The following CDC27 variants were observed in gnomAD, a reference collection of about 807,000 sequenced individuals.
The protein encoded by CDC27 is cell division cycle 27, also known as cell division cycle protein 27 homolog.
Under a neutral mutation model 109.7 loss-of-function variants are expected in CDC27, and 27 were observed. The observed-to-expected ratio is 0.25, with a 90% CI of 0.18 to 0.34. CDC27 has a LOEUF of 0.34. Among genes scored for constraint, CDC27 ranks in the 10% least tolerant of loss-of-function variants. CDC27 has a pLI of 1.00. For missense variants in CDC27, 579 were observed against 960.2 expected, an observed-to-expected ratio of 0.60 and a Z score of 5.25; for synonymous variants, 266 against 333.9, an observed-to-expected ratio of 0.80 and a Z score of 2.22.
At chr17:47,177,170 A>C (rs1420769979) in intron 2 of CDC27, among the ~76,000 whole-genome samples, 2 of 152,184 alleles carry the variant, frequency 1.3e-5, no homozygotes, top group Non-Finnish European at 2.9e-5. Flanking sequence ...GCAGCAGCAC[A>C]TGCCTGTATT....
intron 18 of CDC27, 66 bp downstream of exon 18, chr17:47,122,378 T>A: frequency 9.1e-7 from 1 of 1,094,784 alleles, no homozygotes; most frequent in Non-Finnish European, 1.3e-6. Context: ...AATAAAAGAG[T>A]AGCCTACAAA....
chr17:47,143,901 A>G lies in CDC27; in HGVS notation c.1152T>C (p.Ser384=). 2.7e-6 allele frequency: 4 copies of G among 1,468,838 alleles called. No homozygotes were observed. The highest frequency in any genetic ancestry group is 2.7e-6 in the Non-Finnish European group (3 of 1,100,376). 91.0% of individuals were successfully genotyped at this position (1,468,838 alleles called of 1,614,324 possible). The change falls in exon 10 of 19, where the codon AGT becomes AGC. Residue 384 remains serine, a synonymous_variant. Coordinates refer to ENST00000066544, the MANE Select transcript of CDC27 (RefSeq NM_001256.6). ...AAATTACCTTGGTTGTGGAGCTGTC[A>G]CTAGTAAAGAGTCGTGAACTTCTTC... is the stretch of plus-strand genomic sequence containing the variant. ...LPRRSSRLFT[S]DSSTTKENSK...
At chr17:47,152,343 A>T (rs1383145878) in intron 8 of CDC27, among the ~76,000 whole-genome samples, 1 of 152,200 alleles carries the variant, frequency 6.6e-6, no homozygotes, top group Non-Finnish European at 1.5e-5. Flanking sequence ...ATAAGATTTT[A>T]TACTCCTTTG....
intron 11 of CDC27, 50 bp from the exon 12 acceptor site, chr17:47,142,075 C>T (rs2148866238): frequency 7.3e-7 from 1 of 1,373,734 alleles, no homozygotes; most frequent in Non-Finnish European, 9.9e-7. Flanking sequence ...ATAAACTAGT[C>T]TGCTTCTCTA....
chr17:47,189,263 G>C lies in CDC27; in HGVS notation c.-91C>G. On this transcript the variant is annotated 5_prime_UTR_variant, in exon 1 of 19. Coordinates refer to ENST00000066544, the MANE Select transcript of CDC27 (RefSeq NM_001256.6). ...AGCCCCTGCTCATTTAAACTCACCA[G>C]CGACCGTTACCGGGGGATGGGGGAG... 1 of 1,006,892 alleles carries C rather than the reference G, an allele frequency of 9.9e-7. No homozygotes were observed. Among genetic ancestry groups the C allele is most frequent in the South Asian group, 1.3e-5 (1 of 77,518 alleles). The allele number at this position is 1,006,892 out of a possible 1,614,324, so 62.4% of individuals were successfully genotyped here.
intron 16 of CDC27, among the ~76,000 whole-genome samples, chr17:47,124,516 T>C (rs1598387520): frequency 1.3e-5 from 2 of 152,176 alleles, no homozygotes; most frequent in East Asian, 3.8e-4. Flanking sequence ...ACTCCTGACC[T>C]CAAGTAATCT....
At chr17:47,176,588 A>G (rs938871433) in intron 2 of CDC27, among the ~76,000 whole-genome samples, 1 of 152,222 alleles carries the variant, frequency 6.6e-6, no homozygotes, top group Non-Finnish European at 1.5e-5. Flanking sequence ...AGATGGCCAA[A>G]TTGTGCAGGG....
intron 9 of CDC27, among the ~76,000 whole-genome samples, chr17:47,146,349 G>A (rs2062958439): frequency 6.6e-6 from 1 of 152,236 alleles, no homozygotes; most frequent in Non-Finnish European, 1.5e-5. Flanking sequence ...CAACTGGGCA[G>A]TTCAGACAGT....
chr17:47,167,694 G>A (rs914480440), intron 4 of CDC27, among the ~76,000 whole-genome samples: 1 of 152,092 alleles, frequency 6.6e-6, no homozygotes, highest in Non-Finnish European at 1.5e-5. Context: ...AGACTTCTGT[G>A]ACCAAATGTC....
At chr17:47,123,331 G>T (rs2062031040) in intron 17 of CDC27, among the ~76,000 whole-genome samples, 1 of 151,732 alleles carries the variant, frequency 6.6e-6, no homozygotes, top group Admixed American at 6.6e-5. Context: ...TCTGGCCTTG[G>T]GACTCTCAGA....
At chr17:47,137,120 C>A (rs144880397) in intron 14 of CDC27, 32 bp downstream of exon 14, 1 of 1,358,304 alleles carries the variant, frequency 7.4e-7, no homozygotes, top group Admixed American at 2.1e-5. Flanking sequence ...ACCATCAATA[C>A]GACTTTGTCT....
chr17:47,129,753 C>T (rs1379915744), intron 15 of CDC27, among the ~76,000 whole-genome samples: 1 of 152,138 alleles, frequency 6.6e-6, no homozygotes, highest in Non-Finnish European at 1.5e-5. Flanking sequence ...GATGAGAATA[C>T]TGAAGTCTAG....
At chr17:47,188,705 T>C in intron 1 of CDC27, 1 of 992,718 alleles carries the variant, frequency 1.0e-6, no homozygotes, top group Non-Finnish European at 1.2e-6. Context: ...CACCCTCTCA[T>C]ACAAGACAAA....
chr17:47,146,879 A>G (rs1032970762), intron 9 of CDC27, among the ~76,000 whole-genome samples: 2 of 152,186 alleles, frequency 1.3e-5, no homozygotes, highest in Middle Eastern at 6.8e-3. Flanking sequence ...AGCCTGAGCA[A>G]CACAGCAAGA....
At chr17:47,140,373 C>G (rs1049117644) in intron 12 of CDC27, among the ~76,000 whole-genome samples, 1 of 152,162 alleles carries the variant, frequency 6.6e-6, no homozygotes, top group Admixed American at 6.6e-5. Context: ...CTTGGCCTCC[C>G]AAAGTGCTGG....
intron 17 of CDC27, 139 bp downstream of exon 17, chr17:47,123,747 G>C: frequency 1.9e-6 from 1 of 522,612 alleles, no homozygotes; most frequent in Non-Finnish European, 3.2e-6. Flanking sequence ...AACTAAATCT[G>C]TTATTCCCAG....
At chr17:47,122,775 G>A (rs1478028264) in intron 17 of CDC27, among the ~76,000 whole-genome samples, 175 bp from the exon 18 acceptor site, 1 of 152,152 alleles carries the variant, frequency 6.6e-6, no homozygotes, top group Non-Finnish European at 1.5e-5. Context: ...CCAGGTTCAA[G>A]CGATTCTCCT....
chr17:47,154,865 C>G (rs754536660), intron 7 of CDC27, 79 bp from the exon 8 acceptor site: 8 of 692,930 alleles, frequency 1.2e-5, no homozygotes, highest in Non-Finnish European at 1.8e-5. Context: ...ATTAGAAGGT[C>G]TAAAAGGAAG....
chr17:47,124,069 C>T (rs1391704972), intron 16 of CDC27, 109 bp from the exon 17 acceptor site: 1 of 651,062 alleles, frequency 1.5e-6, no homozygotes, highest in Non-Finnish European at 2.6e-6. Context: ...CTAACTAAAT[C>T]TTAATCAATA....
Sources: allele counts gnomAD v4.1 joint callset (sites outside exome capture counted in the v4.1 genomes callset), GRCh38; gene constraint gnomAD v4.1.1; transcripts MANE v1.5; gene names NCBI Gene and HGNC (gene_info 2026-07-23, HGNC 2026-07-21).